The following SMTNL2 variants were observed in gnomAD, a reference collection of about 807,000 sequenced individuals.
SMTNL2 encodes the protein smoothelin like 2.
SMTNL2 carries 43 observed loss-of-function variants against 44.1 expected under a neutral mutation model. That is an observed-to-expected ratio of 0.98 (90% CI 0.76 to 1.26). The LOEUF (loss-of-function observed/expected upper bound fraction) is 1.26, where lower values mean the gene tolerates loss of function less well. SMTNL2 is among the 50% of genes most tolerant of loss of function. SMTNL2 has a pLI of 0.00. For synonymous variants in SMTNL2, 317 were observed against 287.6 expected, an observed-to-expected ratio of 1.10 and a Z score of -1.03; for missense variants, 646 against 670.2, an observed-to-expected ratio of 0.96 and a Z score of 0.40.
chr17:4,589,287 C>A (rs1415063018), intron 1 of SMTNL2, among the ~76,000 whole-genome samples: 3 of 152,152 alleles, frequency 2.0e-5, no homozygotes, highest in South Asian at 4.1e-4. Flanking sequence ...ATGGTTTCAC[C>A]CTCAGCCTTT....
At position 4,593,188 on chromosome 17, in the gene SMTNL2, G is replaced by A. The variant is rs372624456; in HGVS notation, c.730+17G>A. 18 of 1,566,580 alleles carry A rather than the reference G, an allele frequency of 1.1e-5. No individual in the cohort carries two copies. The highest frequency in any genetic ancestry group is 1.7e-4 in the Middle Eastern group (1 of 5,854). Reference sequence around the variant, plus strand: ...GTCCTAGCGGTATGAGCTGGAGAGCGTGGCCTTGGGGCAGACCTCCCCTTG... The same window carrying A: ...GTCCTAGCGGTATGAGCTGGAGAGCATGGCCTTGGGGCAGACCTCCCCTTG... On this transcript the variant is annotated intron_variant, in intron 3 of 7. Transcript: ENST00000389313.
intron 5 of SMTNL2, among the ~76,000 whole-genome samples, chr17:4,596,379 G>C (rs893834158): frequency 1.3e-5 from 2 of 152,258 alleles, no homozygotes; most frequent in Non-Finnish European, 2.9e-5. Context: ...TAGGCCATTA[G>C]GGACTGTCCT....
At position 4,584,568 on chromosome 17, in the gene SMTNL2, C is replaced by T. The variant is rs933061218; in HGVS notation, c.-38C>T. 28 of 1,219,486 alleles carry T rather than the reference C, an allele frequency of 2.3e-5. No individual in the cohort carries two copies. The highest frequency in any genetic ancestry group is 2.7e-5 in the Non-Finnish European group (26 of 979,804). 75.5% of individuals were successfully genotyped at this position (1,219,486 alleles called of 1,614,324 possible). ...GCTGCGGAGCTCGGATCTTCTCCCC[C>T]GTCTGGCCCGCTCTCGACCCGCGCG... On this transcript the variant is annotated 5_prime_UTR_variant, in exon 1 of 8. Transcript: ENST00000389313.
In SMTNL2 at chr17:4,607,532, CG is replaced by C; in HGVS notation, c.*50del. On this transcript the variant is annotated 3_prime_UTR_variant, in exon 8 of 8. Transcript: ENST00000389313. This position sits in a 1 kb window ranked among gnomAD's most constrained non-coding sequence, Gnocchi z 4.7. ...CCAAAGAGCAGCCCCAGGAAGAGGC[CG>C]GGGGTCCGCTTGCGATTCCCCAGCC... 3 of 1,596,406 alleles carry C rather than the reference CG, an allele frequency of 1.9e-6. No homozygotes were observed. The highest frequency in any genetic ancestry group is 1.7e-6 in the Non-Finnish European group (2 of 1,167,282).
In SMTNL2 at chr17:4,598,799, G is replaced by A. The variant is rs1246833817; in HGVS notation, c.1259+1476G>A. Among the ~76,000 whole-genome samples, 2 of 151,800 alleles carry A rather than the reference G, an allele frequency of 1.3e-5. No individual in the cohort carries two copies. Among genetic ancestry groups the A allele is most frequent in the Non-Finnish European group, 2.9e-5 (2 of 67,910 alleles). On this transcript the variant is annotated intron_variant, in intron 7 of 7. Coordinates refer to ENST00000389313, the MANE Select transcript of SMTNL2 (RefSeq NM_001114974.2). This position sits in a 1 kb window ranked among gnomAD's most constrained non-coding sequence, Gnocchi z 4.8. ...AGATCGCACCACTGTACTCCAGCCT[G>A]GGTGGCAGAGTGAGACGCCATCTCT... is the stretch of plus-strand genomic sequence containing the variant.
At chr17:4,590,484 G>A (rs1358309298) in intron 1 of SMTNL2, among the ~76,000 whole-genome samples, 1 of 151,958 alleles carries the variant, frequency 6.6e-6, no homozygotes, top group Non-Finnish European at 1.5e-5. Flanking sequence ...TTCCATGTTC[G>A]TCCTTCTTTT....
chr17:4,602,445 C>T lies in SMTNL2; in HGVS notation c.1260-4916C>T, dbSNP rs562123491. Among the ~76,000 whole-genome samples the T allele has an allele frequency of 9.2e-5, 14 of 151,778 alleles. No individual in the cohort carries two copies. In the South Asian group the frequency reaches 1.0e-3, roughly 11 times the overall value. ...TCAAGCGATTCTCCTGCCTCAGCCT[C>T]CCGAGTAGCTGGGATTACAGGCATG... On this transcript the variant is annotated intron_variant, in intron 7 of 7. Coordinates refer to ENST00000389313, the MANE Select transcript of SMTNL2 (RefSeq NM_001114974.2).
Position 4,598,476 on chromosome 17 carries a change from G to A in SMTNL2, c.1259+1153G>A, listed in dbSNP as rs753215691. 1.3e-5 allele frequency among the ~76,000 whole-genome samples: 2 copies of A among 152,174 alleles called. No individual in the cohort carries two copies. The highest frequency in any genetic ancestry group is 4.8e-5 in the African/African-American group (2 of 41,444). On this transcript the variant is annotated intron_variant, in intron 7 of 7. Transcript: ENST00000389313. This position sits in a 1 kb window ranked among gnomAD's most constrained non-coding sequence, Gnocchi z 4.8. ...CCTTGTGTTGTCAGCCTCTGACGTC[G>A]GTCTACAACCGACCTTGTTTGTTTC...
Position 4,592,961 on chromosome 17 carries a change from A to C in SMTNL2, c.520A>C (p.Asn174His), listed in dbSNP as rs1909641065. The C allele has an allele frequency of 1.2e-6, 2 of 1,613,672 alleles. No homozygotes were observed. The highest frequency in any genetic ancestry group is 8.5e-7 in the Non-Finnish European group (1 of 1,179,834). The change falls in exon 3 of 8, where the codon AAC becomes CAC. Residue 174 changes from asparagine to histidine, a missense_variant. Coordinates refer to ENST00000389313, the MANE Select transcript of SMTNL2 (RefSeq NM_001114974.2). The surrounding 1 kb of genome is among the most constrained non-coding windows in gnomAD (Gnocchi z 4.5). Reference protein sequence around the residue: ...PGDGPPEIAQNFSAPDPPRPR... With the variant: ...PGDGPPEIAQHFSAPDPPRPR... ...CGATGGACCCCCTGAGATTGCCCAA[A>C]ACTTCTCAGCACCAGATCCCCCCAG... is the stretch of plus-strand genomic sequence containing the variant.
intron 1 of SMTNL2, among the ~76,000 whole-genome samples, chr17:4,585,738 T>C (rs942687885): frequency 4.6e-5 from 7 of 152,174 alleles, no homozygotes; most frequent in African/African-American, 1.7e-4. Context: ...CAGTGGCCCT[T>C]GGGTGGGATT....
intron 1 of SMTNL2, among the ~76,000 whole-genome samples, 172 bp downstream of exon 1, chr17:4,585,176 G>A (rs963238036): frequency 6.6e-6 from 1 of 152,234 alleles, no homozygotes; most frequent in African/African-American, 2.4e-5. Context: ...GGAGAGGGCG[G>A]GGGGAGGACC....
intron 7 of SMTNL2, among the ~76,000 whole-genome samples, chr17:4,604,645 T>C (rs181561529): frequency 6.6e-6 from 1 of 152,074 alleles, no homozygotes; most frequent in Non-Finnish European, 1.5e-5. Flanking sequence ...ACAGGCCCAC[T>C]GGGAGGGACA....
At chr17:4,589,012 G>A (rs552816899) in intron 1 of SMTNL2, among the ~76,000 whole-genome samples, 4 of 152,294 alleles carry the variant, frequency 2.6e-5, no homozygotes, top group Admixed American at 1.3e-4. Context: ...CCCAGGTGAC[G>A]AATGCTTCTA....
At chr17:4,596,232 C>G (rs934278940) in intron 5 of SMTNL2, among the ~76,000 whole-genome samples, 1 of 152,032 alleles carries the variant, frequency 6.6e-6, no homozygotes, top group Non-Finnish European at 1.5e-5. Flanking sequence ...GTGGCCCAAG[C>G]GTGGTATTGA....
chr17:4,592,839 G>A lies in SMTNL2; in HGVS notation c.488-90G>A, dbSNP rs1187192230. 1.3e-6 allele frequency: 2 copies of A among 1,509,382 alleles called. No individual in the cohort carries two copies. Among genetic ancestry groups the A allele is most frequent in the Admixed American group, 4.1e-5 (2 of 49,132 alleles). The allele number at this position is 1,509,382 out of a possible 1,614,324, so 93.5% of individuals were successfully genotyped here. On this transcript the variant is annotated intron_variant, in intron 2 of 7. Transcript: ENST00000389313. The surrounding 1 kb of genome is among the most constrained non-coding windows in gnomAD (Gnocchi z 4.5). ...GCCTTCCTAGAGGAGGTGGGAGGAG[G>A]GCCCAGGGAGGCTAGAGCCCTCCTG...
In SMTNL2 at chr17:4,592,298, G is replaced by A. The variant is rs1803183000; in HGVS notation, c.400-63G>A. The A allele has an allele frequency of 1.3e-6, 2 of 1,509,374 alleles. No homozygotes were observed. The highest frequency in any genetic ancestry group is 1.8e-6 in the Non-Finnish European group (2 of 1,106,970). 93.5% of individuals were successfully genotyped at this position (1,509,374 alleles called of 1,614,324 possible). ...ACGGGAGGGGATTTGGGGGTGGGCA[G>A]CTTTTGGGGGTGGGCAGCTGGCCCT... is the stretch of plus-strand genomic sequence containing the variant. On this transcript the variant is annotated intron_variant, in intron 1 of 7. Coordinates refer to ENST00000389313, the MANE Select transcript of SMTNL2 (RefSeq NM_001114974.2). The surrounding 1 kb of genome is among the most constrained non-coding windows in gnomAD (Gnocchi z 4.5).
chr17:4,584,766 G>GC lies in SMTNL2; in HGVS notation c.166dup (p.Leu56ProfsTer84). 1.5e-6 allele frequency: 2 copies of GC among 1,306,588 alleles called. No individual in the cohort carries two copies. The highest frequency in any genetic ancestry group is 2.1e-5 in the South Asian group (1 of 47,878). 80.9% of individuals were successfully genotyped at this position (1,306,588 alleles called of 1,614,324 possible). A position where few individuals can be genotyped will look rare whatever the true frequency, so the allele number is the denominator to read the frequency against. On this transcript the variant is annotated frameshift_variant, in exon 1 of 8. Coordinates refer to ENST00000389313, the MANE Select transcript of SMTNL2 (RefSeq NM_001114974.2). LOFTEE classifies it high-confidence loss of function. ...GTGGCAGAGGCGATGCGCCTGGCCGGCCCCCTGGCGCGCACGGTGGCCGAC... is the reference window on the plus strand; with the variant it reads ...GTGGCAGAGGCGATGCGCCTGGCCGGCCCCCCTGGCGCGCACGGTGGCCGAC...
At position 4,584,970 on chromosome 17, in the gene SMTNL2, G is replaced by A; in HGVS notation, c.365G>A (p.Ser122Asn). ...CGCCTGGGCAGCGCACGCTTCGCCAGCCACGCCACCTTCTCGCTGTCCGGC... is the reference window on the plus strand; with the variant it reads ...CGCCTGGGCAGCGCACGCTTCGCCAACCACGCCACCTTCTCGCTGTCCGGC... ...APRLGSARFASHATFSLSGRG... is the reference protein window; with the variant it reads ...APRLGSARFANHATFSLSGRG... Residue 122 changes from serine (S) to asparagine (N), a missense_variant, in exon 1 of 8, where the codon AGC becomes AAC. Physicochemically the swap from Ser to Asn is conservative, Grantham distance 46. Transcript: ENST00000389313. 2.2e-6 allele frequency: 3 copies of A among 1,377,276 alleles called. No homozygotes were observed. The highest frequency in any genetic ancestry group is 1.5e-5 in the African/African-American group (1 of 65,942). The allele number at this position is 1,377,276 out of a possible 1,614,324, so 85.3% of individuals were successfully genotyped here.
In SMTNL2 at chr17:4,592,980, C is replaced by T; in HGVS notation, c.539C>T (p.Pro180Leu). Reference protein sequence around the residue: ...EIAQNFSAPDPPRPRPVSLSL... With the variant: ...EIAQNFSAPDLPRPRPVSLSL... ...GCCCAAAACTTCTCAGCACCAGATC[C>T]CCCCAGGCCTCGTCCTGTGAGCCTC... The change falls in exon 3 of 8, where the codon CCC (proline) becomes CTC (leucine). Residue 180 changes from proline (P) to leucine (L), a missense_variant. Coordinates refer to ENST00000389313, the MANE Select transcript of SMTNL2 (RefSeq NM_001114974.2). This position sits in a 1 kb window ranked among gnomAD's most constrained non-coding sequence, Gnocchi z 4.5. 1.2e-6 allele frequency: 2 copies of T among 1,614,008 alleles called. No individual in the cohort carries two copies. Among genetic ancestry groups the T allele is most frequent in the Non-Finnish European group, 1.7e-6 (2 of 1,179,930 alleles).
Sources: gnomAD v4.1 joint callset for allele counts (sites outside exome capture counted in the v4.1 genomes callset) on GRCh38, gnomAD v4.1.1 for gene constraint, Gnocchi (gnomAD v3.1) non-coding constraint, MANE v1.5 for transcripts, NCBI Gene and HGNC (gene_info 2026-07-23, HGNC 2026-07-21) for gene names.